The following KCTD2 variants were observed in gnomAD, a reference collection of about 807,000 sequenced individuals.
KCTD2 encodes the protein BTB/POZ domain-containing protein KCTD2.
A neutral mutation model predicts 27.9 loss-of-function variants in KCTD2; 18 were observed. That is an observed-to-expected ratio of 0.64 (90% CI 0.45 to 0.96). The LOEUF (loss-of-function observed/expected upper bound fraction) is 0.96. Ranked by LOEUF, KCTD2 falls within the 40% of genes least tolerant of loss-of-function variation. KCTD2 has a pLI of 0.00. For synonymous variants in KCTD2, 175 were observed against 148.4 expected, an observed-to-expected ratio of 1.18 and a Z score of -1.30; for missense variants, 280 against 348.0, an observed-to-expected ratio of 0.80 and a Z score of 1.56.
chr17:75,040,155 C>T (rs531574107), intron 3 of KCTD2: 10 of 1,611,536 alleles, frequency 6.2e-6, no homozygotes, highest in East Asian at 4.5e-5. Context: ...GAACCTTCAG[C>T]GCATTAAACT....
At chr17:75,042,796 A>G, upstream of KCTD2, 1 of 913,974 alleles carries the variant, frequency 1.1e-6, no homozygotes. Flanking sequence ...CACAAGAATC[A>G]CTTGAACCCA....
intron 3 of KCTD2, chr17:75,041,454 A>T (rs2073159470): frequency 6.6e-6 from 1 of 151,504 alleles, no homozygotes; most frequent in South Asian, 2.1e-4. Context: ...TACCAAAAAA[A>T]AAAAAAAAAC....
intron 5 of KCTD2, 117 bp downstream of exon 5, chr17:75,062,362 C>G: frequency 1.0e-6 from 1 of 964,248 alleles, no homozygotes; most frequent in Non-Finnish European, 1.5e-6. Flanking sequence ...GCCAGCGTTG[C>G]ATTTTCCCCT....
rs754182203 is a variant in KCTD2, at chr17:75,049,337, A to G, written c.448+9A>G. The G allele has an allele frequency of 1.3e-6, 2 of 1,506,206 alleles. No homozygotes were observed. The highest frequency in any genetic ancestry group is 1.8e-6 in the Non-Finnish European group (2 of 1,086,738). 93.3% of individuals were successfully genotyped at this position (1,506,206 alleles called of 1,614,324 possible). A position where few individuals can be genotyped will look rare whatever the true frequency, so the allele number is the denominator to read the frequency against. On this transcript the variant is annotated intron_variant, in intron 2 of 5. Coordinates refer to ENST00000322444, the MANE Select transcript of KCTD2 (RefSeq NM_015353.3). ...GGAGTTGGCAGAAGAAGGTAAGCGC[A>G]CTGTTTGCATTGGGGATTTTCAAAA...
At chr17:75,040,615 G>A (rs117827586) in intron 3 of KCTD2, 1,755 of 159,832 alleles carry the variant, frequency 0.011, 12 homozygotes, top group Non-Finnish European at 0.018. Context: ...GCCGGGTGCG[G>A]TGGCTCATGC....
At chr17:75,050,205 T>C (rs1273271112) in intron 2 of KCTD2, among the ~76,000 whole-genome samples, 1 of 152,176 alleles carries the variant, frequency 6.6e-6, no homozygotes, top group Non-Finnish European at 1.5e-5. Flanking sequence ...TCATGGGTGA[T>C]CTTAATCTTA....
At chr17:75,039,020 AT>A in intron 3 of KCTD2, 1 of 1,614,180 alleles carries the variant, frequency 6.2e-7, no homozygotes, top group Non-Finnish European at 8.5e-7. Flanking sequence ...CAAGTCCTCA[AT>A]GGTCATCTGA....
At chr17:75,052,727 C>CG (rs1024831113) in intron 2 of KCTD2, among the ~76,000 whole-genome samples, 15 of 151,472 alleles carry the variant, frequency 9.9e-5, no homozygotes, top group Admixed American at 3.3e-4. Context: ...CTGTTTCGGG[C>CG]GGGGGGAAAA....
At chr17:75,045,585 A>G (rs2073206424), upstream of KCTD2, among the ~76,000 whole-genome samples, 1 of 152,358 alleles carries the variant, frequency 6.6e-6, no homozygotes, top group East Asian at 1.9e-4. Flanking sequence ...GAATTCAGCG[A>G]TATTTCTCCC....
intron 3 of KCTD2, among the ~76,000 whole-genome samples, chr17:75,058,955 G>A (rs961097918): frequency 4.0e-5 from 6 of 151,804 alleles, no homozygotes; most frequent in Admixed American, 6.6e-5. Context: ...AAAATTAGCC[G>A]GGCGTGGTGG....
rs566542553 is a variant in KCTD2 at position 75,062,337 on chromosome 17, C to G, written c.762+92C>G. The G allele has an allele frequency of 2.6e-3, 3,321 of 1,277,874 alleles. 13 individuals carry two copies. The highest frequency in any genetic ancestry group is 3.2e-3 in the Non-Finnish European group (2,925 of 927,972). The allele number at this position is 1,277,874 out of a possible 1,614,324, so 79.2% of individuals were successfully genotyped here. ...CCTGAACTCTTGCTCCTCACTTCTT[C>G]CCTGGCCTTCTAGAGCCAGCGTTGC... On this transcript the variant is annotated intron_variant, in intron 5 of 5. Coordinates refer to ENST00000322444, the MANE Select transcript of KCTD2 (RefSeq NM_015353.3).
chr17:75,052,464 G>A (rs991296951), intron 2 of KCTD2, among the ~76,000 whole-genome samples: 12 of 152,230 alleles, frequency 7.9e-5, no homozygotes, highest in African/African-American at 2.9e-4. Flanking sequence ...CTTTACGCCT[G>A]TAATCCCAGA....
chr17:75,042,220 A>G (rs1253811727), intron 3 of KCTD2: 6 of 1,614,108 alleles, frequency 3.7e-6, no homozygotes, highest in African/African-American at 1.3e-5. Context: ...CCTTGGCCAC[A>G]TTGGCCTTGT....
rs147298280 is a variant in KCTD2 at position 75,034,519 on chromosome 17, A to G, written c.-385+402A>G. ...CCACTGGGGCGCGGTAAGACGCTAA[A>G]CCCACGTGCTCCTTGATAGGTGTTC... On this transcript the variant is annotated intron_variant, in intron 2 of 7. Coordinates refer to the KCTD2 transcript ENST00000581589. 1.1e-3 allele frequency among the ~76,000 whole-genome samples: 167 copies of G among 152,214 alleles called. 1 individual carries two copies. Among genetic ancestry groups the G allele is most frequent in the South Asian group, 5.2e-3 (25 of 4,818 alleles).
At chr17:75,049,189 C>A in intron 1 of KCTD2, 31 bp from the exon 2 acceptor site, 1 of 1,344,334 alleles carries the variant, frequency 7.4e-7, no homozygotes, top group Non-Finnish European at 1.1e-6. Flanking sequence ...CCTCAAAGGT[C>A]CACAATGATA....
At chr17:75,056,958 T>TC (rs1257764597) in intron 3 of KCTD2, among the ~76,000 whole-genome samples, 2 of 142,630 alleles carry the variant, frequency 1.4e-5, no homozygotes, top group Non-Finnish European at 1.5e-5. Flanking sequence ...TTTTCTTTTT[T>TC]TTTTTTTTTT....
chr17:75,044,584 C>T (rs2073194282), upstream of KCTD2, among the ~76,000 whole-genome samples: 1 of 151,666 alleles, frequency 6.6e-6, no homozygotes, highest in Admixed American at 6.6e-5. Flanking sequence ...TCAGGTGATC[C>T]ACCCACCTCA....
rs1288535103 is a variant in KCTD2, at chr17:75,064,542, TCTGAC to T, written c.*1502_*1506del. ...GACTGTGCCAAATGTCTTTTGAGCT[TCTGAC>T]CTGACCATGCCCAGATGGCATAACT... On this transcript the variant is annotated 3_prime_UTR_variant, in exon 6 of 6. Transcript: ENST00000322444. The T allele has an allele frequency of 6.6e-6, 1 of 152,312 alleles. No individual in the cohort carries two copies. The highest frequency in any genetic ancestry group is 1.5e-5 in the Non-Finnish European group (1 of 68,098). The allele number at this position is 152,312 out of a possible 1,614,324, so 9.4% of individuals were successfully genotyped here. A position where few individuals can be genotyped will look rare whatever the true frequency, so the allele number is the denominator to read the frequency against.
chr17:75,059,406 A>T, intron 3 of KCTD2, 104 bp from the exon 4 acceptor site: 1 of 616,666 alleles, frequency 1.6e-6, no homozygotes, highest in Non-Finnish European at 2.6e-6. Flanking sequence ...AAGATTTCCA[A>T]GCAAACTCCT....
Sources: gnomAD v4.1 joint callset for allele counts (sites outside exome capture counted in the v4.1 genomes callset) on GRCh38, gnomAD v4.1.1 for gene constraint, MANE v1.5 for transcripts, NCBI Gene and HGNC (gene_info 2026-07-23, HGNC 2026-07-21) for gene names.